NTRK3: variants seen among roughly 807,000 people sequenced by gnomAD.
The protein encoded by NTRK3 is NT-3 growth factor receptor.
In NTRK3, 24 loss-of-function variants were observed where a neutral mutation model predicts 91.7. The ratio of observed to expected loss-of-function variants is 0.26; its 90% CI spans 0.19 to 0.37. NTRK3 has a LOEUF of 0.37. Among genes scored for constraint, NTRK3 ranks in the 10% least tolerant of loss-of-function variants. The pLI is 1.00. For synonymous variants in NTRK3, 483 were observed against 404.0 expected (o/e 1.20, Z -2.34); for missense variants, 880 against 1,068.9 (o/e 0.82, Z 2.46).
At chr15:88,198,290 G>C (rs991281212) in intron 3 of NTRK3, among the ~76,000 whole-genome samples, 2 of 152,060 alleles carry the variant, frequency 1.3e-5, no homozygotes, top group Non-Finnish European at 2.9e-5. Flanking sequence ...TCATAACCCA[G>C]CCTGCACTTT....
intron 14 of NTRK3, among the ~76,000 whole-genome samples, chr15:87,987,496 T>A (rs2074915662): frequency 6.6e-6 from 1 of 151,934 alleles, no homozygotes; most frequent in South Asian, 2.1e-4. Context: ...TATCTATATA[T>A]CTAGACATAG....
chr15:88,188,481 A>C (rs1284515182), intron 3 of NTRK3, among the ~76,000 whole-genome samples: 2 of 152,224 alleles, frequency 1.3e-5, no homozygotes, highest in Non-Finnish European at 2.9e-5. Flanking sequence ...GCTAAGAATC[A>C]TCAGCCCCAA....
intron 17 of NTRK3, among the ~76,000 whole-genome samples, chr15:87,883,807 A>T (rs938771526): frequency 2.0e-5 from 3 of 151,504 alleles, no homozygotes; most frequent in Non-Finnish European, 4.4e-5. Context: ...CAATTAAATT[A>T]TTTGGTAAAG....
intron 16 of NTRK3, 98 bp downstream of exon 16, chr15:87,932,914 A>AGT (rs1261600613): frequency 8.4e-7 from 1 of 1,185,334 alleles, no homozygotes; most frequent in African/African-American, 1.5e-5. Flanking sequence ...CTGAGAGGAA[A>AGT]GTGTTTAGAG....
intron 13 of NTRK3, among the ~76,000 whole-genome samples, chr15:88,050,486 C>CGTGTGTGTGTGT (rs55943475): frequency 1.3e-4 from 19 of 144,262 alleles, no homozygotes; most frequent in African/African-American, 4.8e-4. Context: ...CAATATATAC[C>CGTGTGTGTGTGT]GTGTGTGTGT....
At chr15:88,039,759 GACAATACATTGA>G (rs1483758557) in intron 13 of NTRK3, among the ~76,000 whole-genome samples, 4 of 152,156 alleles carry the variant, frequency 2.6e-5, no homozygotes, top group Admixed American at 2.6e-4. Context: ...GTTTTGCCAC[GACAATACATTGA>G]ACAAAGGAGA....
chr15:87,868,554 G>A (rs2064748050), exon 19 of NTRK3: 2 of 220,988 alleles, frequency 9.1e-6, no homozygotes, highest in South Asian at 3.7e-4. Context: ...AAACCCTGAG[G>A]TAAGTTTCCA....
intron 13 of NTRK3, among the ~76,000 whole-genome samples, chr15:88,087,283 G>A (rs189403891): frequency 6.6e-6 from 1 of 152,234 alleles, no homozygotes; most frequent in African/African-American, 2.4e-5. Flanking sequence ...CTCCATGGAG[G>A]ACAATCTCCA....
intron 13 of NTRK3, among the ~76,000 whole-genome samples, chr15:88,044,386 G>A (rs1453993954): frequency 3.4e-5 from 5 of 146,530 alleles, no homozygotes; most frequent in African/African-American, 1.0e-4. Context: ...TCAGCTTCCC[G>A]AGTAGCTGGG....
chr15:87,937,366 C>T (rs1213805376), intron 15 of NTRK3, among the ~76,000 whole-genome samples: 1 of 152,092 alleles, frequency 6.6e-6, no homozygotes, highest in African/African-American at 2.4e-5. Flanking sequence ...TTTTAAAAAA[C>T]CTGCTAAAGG....
chr15:87,930,967 G>T (rs1037147989), intron 16 of NTRK3: 1 of 283,818 alleles, frequency 3.5e-6, no homozygotes, highest in South Asian at 3.1e-5. Flanking sequence ...GTACTCACAG[G>T]CATGCATTCC....
chr15:87,974,146 G>T (rs939643255), intron 14 of NTRK3, among the ~76,000 whole-genome samples: 7 of 152,154 alleles, frequency 4.6e-5, no homozygotes, highest in Non-Finnish European at 1.0e-4. Flanking sequence ...CGAGCCAGGG[G>T]ATGTGTCACA....
chr15:87,993,568 G>A (rs2075446824), intron 14 of NTRK3, among the ~76,000 whole-genome samples: 1 of 152,034 alleles, frequency 6.6e-6, no homozygotes, highest in Admixed American at 6.6e-5. Flanking sequence ...CATACACAGA[G>A]ACACACACAC....
chr15:88,095,891 A>G (rs1197992081), intron 13 of NTRK3, among the ~76,000 whole-genome samples: 1 of 152,212 alleles, frequency 6.6e-6, no homozygotes, highest in East Asian at 1.9e-4. Flanking sequence ...TATCAAAACC[A>G]GGAAATCAGC....
chr15:87,880,633 G>A (rs1409087854), intron 17 of NTRK3, among the ~76,000 whole-genome samples: 1 of 152,182 alleles, frequency 6.6e-6, no homozygotes, highest in Non-Finnish European at 1.5e-5. Context: ...GCAACTAGAG[G>A]TAACACCTGA....
chr15:88,094,301 C>A (rs1374572444), intron 13 of NTRK3, among the ~76,000 whole-genome samples: 1 of 151,432 alleles, frequency 6.6e-6, no homozygotes, highest in African/African-American at 2.4e-5. Flanking sequence ...CCCATCTCTA[C>A]TAAAAATACA....
Position 88,056,202 on chromosome 15 carries a change from A to T in NTRK3, c.1397-23157T>A, listed in dbSNP as rs796812161. 5.7e-3 allele frequency among the ~76,000 whole-genome samples: 595 copies of T among 104,816 alleles called. 8 individuals carry two copies. The highest frequency in any genetic ancestry group is 0.04 in the South Asian group (130 of 3,274). 68.8% of individuals were successfully genotyped at this position (104,816 alleles called of 152,430 possible). A position where few individuals can be genotyped will look rare whatever the true frequency, so the allele number is the denominator to read the frequency against. On this transcript the variant is annotated intron_variant, in intron 13 of 18. Transcript: ENST00000394480. ...TATATATATATATATATATATATATATTTTTTTTTTAATGTAGAACCTTGA... is the reference window on the plus strand; with the variant it reads ...TATATATATATATATATATATATATTTTTTTTTTTTAATGTAGAACCTTGA...
At chr15:87,921,826 G>T (rs1946697) in intron 17 of NTRK3, among the ~76,000 whole-genome samples, 43,431 of 151,748 alleles carry the variant, frequency 0.29, 6,443 homozygotes, top group African/African-American at 0.38. Context: ...TTTCCAGGCT[G>T]CTATGACTGA....
chr15:87,865,987 C>T (rs1463137753), exon 19 of NTRK3: 2 of 231,502 alleles, frequency 8.6e-6, no homozygotes, highest in African/African-American at 4.4e-5. Flanking sequence ...CAGCTCAGCA[C>T]CCAGCAAGAC....
Sources: allele counts gnomAD v4.1 joint callset (sites outside exome capture counted in the v4.1 genomes callset), GRCh38; gene constraint gnomAD v4.1.1; transcripts MANE v1.5; gene names NCBI Gene and HGNC (gene_info 2026-07-23, HGNC 2026-07-21).